MYH15: variants seen among roughly 807,000 people sequenced by gnomAD.
The protein encoded by MYH15 is myosin-15.
Under a neutral mutation model 240.5 loss-of-function variants are expected in MYH15, and 227 were observed. That is an observed-to-expected ratio of 0.94 (90% CI 0.85 to 1.05). The LOEUF (loss-of-function observed/expected upper bound fraction) is 1.05, where lower values mean the gene tolerates loss of function less well. Ranked by LOEUF, MYH15 falls within the 50% of genes least tolerant of loss-of-function variation. The pLI, the probability that MYH15 is intolerant of heterozygous loss-of-function variation, is 0.00. For missense variants in MYH15, 2,217 were observed against 2,247.5 expected, an observed-to-expected ratio of 0.99 and a Z score of 0.27; for synonymous variants, 785 against 796.7, an observed-to-expected ratio of 0.99 and a Z score of 0.25.
At chr3:108,499,587 G>A in intron 4 of MYH15, 105 bp from the exon 5 acceptor site, 4 of 1,092,538 alleles carry the variant, frequency 3.7e-6, no homozygotes, top group Non-Finnish European at 2.8e-6. Flanking sequence ...TCAGACACAA[G>A]GGAAAGGATT....
chr3:108,499,364 C>T (rs572089881), intron 5 of MYH15, 91 bp downstream of exon 5: 22 of 1,301,718 alleles, frequency 1.7e-5, no homozygotes, highest in Admixed American at 7.7e-5. Flanking sequence ...TCAAAGATGG[C>T]GAATCAAAGT....
intron 35 of MYH15, 96 bp downstream of exon 35, chr3:108,398,541 C>T (rs2082479559): frequency 8.5e-7 from 1 of 1,176,248 alleles, no homozygotes; most frequent in Admixed American, 1.7e-5. Context: ...CAAGACTTAA[C>T]AGGGCGACTG....
Position 108,414,295 on chromosome 3 carries a change from A to G in MYH15, c.4082T>C (p.Val1361Ala). 1 of 1,614,118 alleles carries G rather than the reference A, an allele frequency of 6.2e-7. No homozygotes were observed. The highest frequency in any genetic ancestry group is 1.1e-5 in the South Asian group (1 of 91,078). ...RTLSKVNAEMVQWRMKYENNV... is the reference protein window; with the variant it reads ...RTLSKVNAEMAQWRMKYENNV... ...GTTTTCATACTTCATTCTCCATTGC[A>G]CCATTTCAGCATTGACTTTGGATAA... The change falls in exon 30 of 41, where the codon GTG becomes GCG. Residue 1361 changes from valine (V) to alanine (A), a missense_variant. By Grantham distance (64) the Val-to-Ala change is moderately conservative (BLOSUM62 0). Transcript: ENST00000693548.
In MYH15 at chr3:108,456,812, G is replaced by A. The variant is rs993897837; in HGVS notation, c.2092C>T (p.Arg698Cys). 4.3e-6 allele frequency: 7 copies of A among 1,613,514 alleles called. No individual in the cohort carries two copies. Among genetic ancestry groups the A allele is most frequent in the South Asian group, 2.2e-5 (2 of 91,042 alleles). ...TGCAGTCGGTTTGGAAAACCTTCAC[G>A]GCATATCCTAGTCCCTTCCAAGACA... is the stretch of plus-strand genomic sequence containing the variant. ...NGVLEGTRIC[R>C]EGFPNRLQYA... is the part of the protein sequence containing the mutation. Residue 698 changes from arginine (R) to cysteine (C), a missense_variant, in exon 19 of 41, where the codon CGT becomes TGT. Arg to Cys is a radical substitution (Grantham distance 180). Transcript: ENST00000693548.
intron 26 of MYH15, 58 bp from the exon 27 acceptor site, chr3:108,428,939 A>ATT: frequency 7.0e-7 from 1 of 1,433,816 alleles, no homozygotes; most frequent in Non-Finnish European, 9.3e-7. Flanking sequence ...GCTTTACTCT[A>ATT]TTTTTTTTTA....
Position 108,399,063 on chromosome 3 carries a change from GTT to G in MYH15, c.4929+10_4929+11del. 1 of 1,610,808 alleles carries G rather than the reference GTT, an allele frequency of 6.2e-7. No homozygotes were observed. The highest frequency in any genetic ancestry group is 2.2e-5 in the East Asian group (1 of 44,838). ...CCACCCCTCCCTACCCCATCTTACA[GTT>G]TTAAAATACCTTGATTTGAATCTGA... is the stretch of plus-strand genomic sequence containing the variant. On this transcript the variant is annotated intron_variant, in intron 34 of 40. Coordinates refer to ENST00000693548, the MANE Select transcript of MYH15 (RefSeq NM_014981.3).
At position 108,527,455 on chromosome 3, in the gene MYH15, TGTAAAGGAC is replaced by T. The variant is rs572725631; in HGVS notation, c.-58+1799_-58+1807del. Among the ~76,000 whole-genome samples the T allele has an allele frequency of 1.1e-3, 174 of 152,236 alleles. 2 individuals are homozygous for T. Among genetic ancestry groups the T allele is most frequent in the Non-Finnish European group, 2.1e-3 (141 of 68,004 alleles). On this transcript the variant is annotated intron_variant, in intron 1 of 41. Transcript: ENST00000273353. ...AAAAACATCCTTCACCACCTCTCAT[TGTAAAGGAC>T]TCTCAGCTATAGACAGTTACATGTT...
intron 21 of MYH15, among the ~76,000 whole-genome samples, chr3:108,451,089 A>G (rs894079577): frequency 1.3e-5 from 2 of 152,192 alleles, no homozygotes; most frequent in African/African-American, 2.4e-5. Context: ...AGAGATTTAA[A>G]AATAATAAGG....
At chr3:108,431,469 T>A (rs553508465) in intron 25 of MYH15, among the ~76,000 whole-genome samples, 14 of 152,358 alleles carry the variant, frequency 9.2e-5, no homozygotes, top group African/African-American at 3.1e-4. Flanking sequence ...TTCTCTCTTT[T>A]TGCCTGCAGC....
At chr3:108,395,399 C>T (rs1213929184) in intron 35 of MYH15, among the ~76,000 whole-genome samples, 1 of 152,184 alleles carries the variant, frequency 6.6e-6, no homozygotes, top group Admixed American at 6.5e-5. Context: ...GCCCTGTATA[C>T]CTCCTAGATT....
intron 1 of MYH15, among the ~76,000 whole-genome samples, chr3:108,526,628 G>A (rs1280411657): frequency 1.3e-5 from 2 of 152,132 alleles, no homozygotes; most frequent in Non-Finnish European, 2.9e-5. Flanking sequence ...ATGTTTTCCA[G>A]GGATTTTCAT....
chr3:108,541,832 G>C, the MYH15 span, among the ~76,000 whole-genome samples: 1 of 151,964 alleles, frequency 6.6e-6, no homozygotes, highest in South Asian at 2.1e-4. Flanking sequence ...AGCCCTATAC[G>C]TATTGATATC....
intron 21 of MYH15, among the ~76,000 whole-genome samples, chr3:108,453,641 T>C (rs2082994348): frequency 6.6e-6 from 1 of 152,168 alleles, no homozygotes; most frequent in Non-Finnish European, 1.5e-5. Context: ...CCTCGGTCTT[T>C]GAAGCACACT....
chr3:108,434,962 A>G (rs1020895850), intron 25 of MYH15, among the ~76,000 whole-genome samples: 22 of 152,218 alleles, frequency 1.4e-4, no homozygotes, highest in African/African-American at 5.1e-4. Context: ...TTTACTAGTA[A>G]TGACTGCATC....
intron 9 of MYH15, 39 bp downstream of exon 9, chr3:108,492,461 G>C (rs377023095): frequency 6.9e-7 from 1 of 1,453,860 alleles, no homozygotes; most frequent in African/African-American, 1.4e-5. Flanking sequence ...TATTTTTCTT[G>C]TTTTGGAATA....
At chr3:108,484,327 A>C (rs748996065) in intron 11 of MYH15, among the ~76,000 whole-genome samples, 5 of 152,060 alleles carry the variant, frequency 3.3e-5, no homozygotes, top group Non-Finnish European at 7.4e-5. Context: ...GATTTTTTTA[A>C]ATGTGAAGAA....
At chr3:108,447,748 G>T (rs973254953) in intron 21 of MYH15, among the ~76,000 whole-genome samples, 4 of 152,074 alleles carry the variant, frequency 2.6e-5, no homozygotes, top group Non-Finnish European at 5.9e-5. Flanking sequence ...TGAAACAAAA[G>T]GATGCTAACT....
intron 7 of MYH15, among the ~76,000 whole-genome samples, chr3:108,493,401 T>G (rs1305408490): frequency 2.0e-5 from 3 of 152,204 alleles, no homozygotes; most frequent in Non-Finnish European, 2.9e-5. Flanking sequence ...GAAGCCAGAA[T>G]GATTGTCAGG....
At chr3:108,403,267 G>T (rs993397795) in intron 33 of MYH15, among the ~76,000 whole-genome samples, 1 of 152,172 alleles carries the variant, frequency 6.6e-6, no homozygotes, top group African/African-American at 2.4e-5. Context: ...TACCCAGTTT[G>T]CTGTACTATC....
Sources: allele counts gnomAD v4.1 joint callset (sites outside exome capture counted in the v4.1 genomes callset), GRCh38; gene constraint gnomAD v4.1.1; transcripts MANE v1.5; gene names NCBI Gene and HGNC (gene_info 2026-07-23, HGNC 2026-07-21).